Variants in KIAA0825 observed in about 807,000 individuals in gnomAD.
KIAA0825 encodes the protein KIAA0825.
Under a neutral mutation model 147.6 loss-of-function variants are expected in KIAA0825, and 119 were observed. The ratio of observed to expected loss-of-function variants is 0.81; its 90% CI spans 0.69 to 0.94. The LOEUF (loss-of-function observed/expected upper bound fraction) is 0.94. Ranked by LOEUF, KIAA0825 falls within the 40% of genes least tolerant of loss-of-function variation. KIAA0825 has a pLI of 0.00. For missense variants in KIAA0825, 1,381 were observed against 1,472.7 expected (o/e 0.94, Z 1.02); for synonymous variants, 470 against 518.1 (o/e 0.91, Z 1.26).
chr5:94,350,832 G>A (rs949053034), intron 20 of KIAA0825, among the ~76,000 whole-genome samples: 3 of 151,428 alleles, frequency 2.0e-5, no homozygotes, highest in Admixed American at 2.0e-4. Flanking sequence ...TACTGAATGG[G>A]GAAAAGTAGA....
chr5:94,475,951 A>G (rs1212143962), intron 7 of KIAA0825, among the ~76,000 whole-genome samples: 1 of 152,224 alleles, frequency 6.6e-6, no homozygotes, highest in Non-Finnish European at 1.5e-5. Flanking sequence ...TATTCCATTT[A>G]GACTAGAGAA....
At chr5:94,275,907 G>T (rs72771640) in intron 20 of KIAA0825, among the ~76,000 whole-genome samples, 1 of 152,060 alleles carries the variant, frequency 6.6e-6, no homozygotes, top group South Asian at 2.1e-4. Flanking sequence ...TAACTATGGC[G>T]CTGCCTGCAA....
In KIAA0825 at chr5:94,450,041, T is replaced by A. The variant is rs899920128; in HGVS notation, c.2357+2918A>T. 2.4e-4 allele frequency among the ~76,000 whole-genome samples: 37 copies of A among 152,092 alleles called. 1 individual carries two copies. The highest frequency in any genetic ancestry group is 2.4e-3 in the Admixed American group (37 of 15,276). ...GTTGCAGTGATCCAAGATCGTGCCA[T>A]TGGACTCCAGCCTGGGTGACAGAGT... is the stretch of plus-strand genomic sequence containing the variant. On this transcript the variant is annotated intron_variant, in intron 13 of 20. Transcript: ENST00000682413.
chr5:94,216,548 C>T (rs1287533582), intron 20 of KIAA0825, among the ~76,000 whole-genome samples: 1 of 152,144 alleles, frequency 6.6e-6, no homozygotes, highest in African/African-American at 2.4e-5. Flanking sequence ...GCAATGATTA[C>T]CTAGTCCTGG....
At chr5:94,301,629 G>A (rs920614479) in intron 20 of KIAA0825, among the ~76,000 whole-genome samples, 5 of 152,014 alleles carry the variant, frequency 3.3e-5, no homozygotes, top group South Asian at 2.1e-4. Context: ...AGTACTTAAC[G>A]TATTCAGAGA....
intron 14 of KIAA0825, among the ~76,000 whole-genome samples, chr5:94,428,004 C>A (rs1176615616): frequency 6.6e-6 from 1 of 152,118 alleles, no homozygotes; most frequent in Non-Finnish European, 1.5e-5. Context: ...TCTATCTTAT[C>A]TGATATAAAA....
intron 11 of KIAA0825, 74 bp downstream of exon 11, chr5:94,464,795 G>A (rs1760281131): frequency 1.6e-6 from 2 of 1,258,398 alleles, no homozygotes; most frequent in East Asian, 2.5e-5. Flanking sequence ...TATGTCATGA[G>A]ATTCAGAATT....
At chr5:94,546,792 CAAAAAAA>C (rs372542896) in intron 2 of KIAA0825, among the ~76,000 whole-genome samples, 11 of 49,696 alleles carry the variant, frequency 2.2e-4, no homozygotes, top group South Asian at 1.5e-3. Flanking sequence ...GTCCAGGCAC[CAAAAAAA>C]AAAAAAAAAA....
At chr5:94,281,253 C>T (rs1261632214) in intron 20 of KIAA0825, among the ~76,000 whole-genome samples, 2 of 149,042 alleles carry the variant, frequency 1.3e-5, no homozygotes, top group African/African-American at 2.5e-5. Flanking sequence ...ACTTGCCATA[C>T]CCAAAAGCAT....
chr5:94,171,778 C>T (rs184674947), intron 20 of KIAA0825, among the ~76,000 whole-genome samples: 69 of 152,088 alleles, frequency 4.5e-4, no homozygotes, highest in African/African-American at 1.5e-3. Context: ...TGGACTCTTT[C>T]CTGTTCCCTT....
intron 2 of KIAA0825, among the ~76,000 whole-genome samples, chr5:94,537,799 C>G (rs1772389561): frequency 1.3e-5 from 2 of 152,008 alleles, no homozygotes. Context: ...AGCAAAAATT[C>G]AATACCTTCC....
chr5:94,298,112 T>A (rs888897517), intron 20 of KIAA0825, among the ~76,000 whole-genome samples: 14 of 151,466 alleles, frequency 9.2e-5, no homozygotes, highest in Admixed American at 4.6e-4. Context: ...CCAGGTGTGG[T>A]GGTGGGCACC....
chr5:94,512,399 T>G (rs556002310), intron 5 of KIAA0825, among the ~76,000 whole-genome samples: 1 of 152,228 alleles, frequency 6.6e-6, no homozygotes, highest in East Asian at 1.9e-4. Context: ...ATTTAGGGAT[T>G]AATTGCTTAT....
intron 14 of KIAA0825, 105 bp downstream of exon 14, chr5:94,439,877 A>C: frequency 8.5e-7 from 1 of 1,172,710 alleles, no homozygotes; most frequent in Non-Finnish European, 1.2e-6. Context: ...GATACATGCT[A>C]TTGGTTTACA....
At chr5:94,373,884 C>T in intron 20 of KIAA0825, among the ~76,000 whole-genome samples, 1 of 152,180 alleles carries the variant, frequency 6.6e-6, no homozygotes, top group East Asian at 1.9e-4. Flanking sequence ...AATTTCCTCT[C>T]ATGTTGCTAT....
chr5:94,496,556 T>G (rs963335802), intron 5 of KIAA0825, among the ~76,000 whole-genome samples: 2 of 152,160 alleles, frequency 1.3e-5, no homozygotes, highest in African/African-American at 4.8e-5. Flanking sequence ...GTAGGGTAGA[T>G]GTACCTGATA....
intron 20 of KIAA0825, among the ~76,000 whole-genome samples, chr5:94,327,533 A>G (rs1158717820): frequency 6.6e-6 from 1 of 152,170 alleles, no homozygotes; most frequent in Non-Finnish European, 1.5e-5. Context: ...TACATGTGCT[A>G]TACAGTTATC....
intron 15 of KIAA0825, among the ~76,000 whole-genome samples, chr5:94,411,394 T>C (rs1020647400): frequency 2.1e-4 from 32 of 152,324 alleles, no homozygotes; most frequent in African/African-American, 7.5e-4. Flanking sequence ...ATTTGATCAC[T>C]TGGTCAATTG....
At chr5:94,294,281 C>T (rs908375621) in intron 20 of KIAA0825, among the ~76,000 whole-genome samples, 8 of 152,050 alleles carry the variant, frequency 5.3e-5, no homozygotes, top group Non-Finnish European at 1.2e-4. Context: ...TTTTCCTTTC[C>T]ATATTTAGTG....
Sources: gnomAD v4.1 joint callset for allele counts (sites outside exome capture counted in the v4.1 genomes callset) on GRCh38, gnomAD v4.1.1 for gene constraint, MANE v1.5 for transcripts, NCBI Gene and HGNC (gene_info 2026-07-23, HGNC 2026-07-21) for gene names.